Variants in AKR1C2 observed in about 807,000 individuals in gnomAD.
The protein encoded by AKR1C2 is aldo-keto reductase family 1 member C2.
In AKR1C2, 27 loss-of-function variants were observed where a neutral mutation model predicts 39.8. That is an observed-to-expected ratio of 0.68 (90% CI 0.50 to 0.93). The LOEUF is 0.93. Ranked by LOEUF, AKR1C2 falls within the 40% of genes least tolerant of loss-of-function variation. The probability of loss-of-function intolerance (pLI) is 0.00; values close to 1 mark genes in which losing one functional copy is unlikely to be tolerated. For missense variants in AKR1C2, 263 were observed against 365.1 expected (o/e 0.72, Z 2.28); for synonymous variants, 114 against 137.9 (o/e 0.83, Z 1.22).
chr10:4,992,419 G>A (rs1485828565), intron 7 of AKR1C2, among the ~76,000 whole-genome samples: 1 of 151,924 alleles, frequency 6.6e-6, no homozygotes, highest in African/African-American at 2.4e-5. Flanking sequence ...TGTAAATTTG[G>A]GAGACTCTAA....
At chr10:5,001,807 A>C in intron 1 of AKR1C2, 126 bp from the exon 2 acceptor site, 2 of 1,278,470 alleles carry the variant, frequency 1.6e-6, no homozygotes, top group Non-Finnish European at 2.2e-6. Context: ...ATGTAGAATC[A>C]TAAGCCCATC....
upstream of AKR1C2, chr10:5,007,406 C>A (rs67245807): frequency 6.6e-6 from 1 of 151,628 alleles, no homozygotes; most frequent in Non-Finnish European, 1.5e-5. Context: ...CAGAAACGTA[C>A]CTGTGGAAAA....
chr10:4,999,232 A>G lies in AKR1C2; in HGVS notation c.415T>C (p.Phe139Leu), dbSNP rs782071284. The G allele has an allele frequency of 8.1e-6, 13 of 1,609,176 alleles. 1 individual carries two copies. The South Asian group carries it at 1.3e-4, about 16-fold the overall frequency. The change falls in exon 4 of 9, where the codon TTT (phenylalanine) becomes CTT (leucine). Residue 139 changes from phenylalanine to leucine, a missense_variant. By Grantham distance (22) the Phe-to-Leu change is conservative (BLOSUM62 0). Coordinates refer to ENST00000380753, the MANE Select transcript of AKR1C2 (RefSeq NM_001393392.1). ...GTGGCACAGAGATCCACTGTGTCAA[A>G]TAGTATTTTTCCATTTTCATCTTTT... ...IPKDENGKILFDTVDLCATWE... is the reference protein window; with the variant it reads ...IPKDENGKILLDTVDLCATWE...
At chr10:4,997,988 C>A (rs1361464085) in intron 5 of AKR1C2, among the ~76,000 whole-genome samples, 2 of 152,214 alleles carry the variant, frequency 1.3e-5, no homozygotes, top group African/African-American at 4.8e-5. Flanking sequence ...GCGGGGCAGT[C>A]ATAGGTCAGC....
intron 1 of AKR1C2, among the ~76,000 whole-genome samples, chr10:5,015,663 A>T (rs1554775307): frequency 6.6e-6 from 1 of 152,148 alleles, no homozygotes; most frequent in Admixed American, 6.5e-5. Flanking sequence ...CTTCCCATAG[A>T]CGGCCAAGAG....
intron 1 of AKR1C2, among the ~76,000 whole-genome samples, chr10:5,002,349 T>A (rs1837299416): frequency 6.6e-6 from 1 of 152,242 alleles, no homozygotes; most frequent in Non-Finnish European, 1.5e-5. Flanking sequence ...AGAACTCCAC[T>A]TTCTCAGATG....
intron 1 of AKR1C2, among the ~76,000 whole-genome samples, chr10:5,017,468 C>T (rs1315495297): frequency 3.3e-5 from 5 of 152,136 alleles, no homozygotes; most frequent in Admixed American, 2.6e-4. Context: ...GGTAGGAACA[C>T]GATGATGCCA....
At chr10:5,004,596 TACCAAAAAGTAACAA>T (rs1422359279), upstream of AKR1C2, 2 of 152,242 alleles carry the variant, frequency 1.3e-5, no homozygotes, top group East Asian at 3.8e-4. Flanking sequence ...TATAAGTTAC[TACCAAAAAGTAACAA>T]GCCAAAAACC....
intron 1 of AKR1C2, among the ~76,000 whole-genome samples, chr10:5,001,983 A>G (rs72769990): frequency 4.0e-4 from 61 of 152,382 alleles, no homozygotes; most frequent in Non-Finnish European, 6.9e-4. Context: ...CTATAGTTAC[A>G]GACATAATCT....
At chr10:5,001,158 A>C (rs1554773795) in intron 2 of AKR1C2, among the ~76,000 whole-genome samples, 1 of 152,200 alleles carries the variant, frequency 6.6e-6, no homozygotes, top group Non-Finnish European at 1.5e-5. Flanking sequence ...CTCTCTGATC[A>C]AAATGACAAT....
chr10:5,010,176 G>A (rs1336840835), intron 1 of AKR1C2, among the ~76,000 whole-genome samples: 4 of 148,652 alleles, frequency 2.7e-5, no homozygotes, highest in Non-Finnish European at 5.9e-5. Flanking sequence ...GTGGTTGCAG[G>A]CACCCACCAC....
Position 4,995,872 on chromosome 10 carries a change from A to T in AKR1C2, c.571-7T>A, listed in dbSNP as rs782371317. ...AGTAAGGATGACATTCCACCTGCAG[A>T]CGAGCAAGATGGAAAAGCATCAGAT... On this transcript the variant is annotated splice_region_variant and splice_polypyrimidine_tract_variant and intron_variant, in intron 5 of 8. Coordinates refer to ENST00000380753, the MANE Select transcript of AKR1C2 (RefSeq NM_001393392.1). 6.2e-7 allele frequency: 1 copy of T among 1,610,494 alleles called. No homozygotes were observed. Among genetic ancestry groups the T allele is most frequent in the Non-Finnish European group, 8.5e-7 (1 of 1,178,730 alleles).
chr10:4,991,413 G>A (rs1379323282), intron 8 of AKR1C2, among the ~76,000 whole-genome samples: 8 of 152,110 alleles, frequency 5.3e-5, no homozygotes, highest in African/African-American at 1.2e-4. Context: ...CAAGATTGAC[G>A]GAACTGCCTT....
upstream of AKR1C2, chr10:5,005,998 C>A (rs1554774361): frequency 6.6e-6 from 1 of 152,046 alleles, no homozygotes; most frequent in Non-Finnish European, 1.5e-5. Flanking sequence ...CAAATTTGAG[C>A]AGGATGAAGA....
chr10:5,001,416 C>A, intron 2 of AKR1C2, 98 bp downstream of exon 2: 1 of 1,519,236 alleles, frequency 6.6e-7, no homozygotes, highest in Non-Finnish European at 8.8e-7. Context: ...AATAAATAAG[C>A]ACAATTCACC....
At position 4,998,807 on chromosome 10, in the gene AKR1C2, T is replaced by G. The variant is rs113166011; in HGVS notation, c.448-60A>C. ...AGTCGACTGAAGAGCAAGATAAATG[T>G]AACATAGAACTGTGAAAGCAACAAC... is the stretch of plus-strand genomic sequence containing the variant. On this transcript the variant is annotated intron_variant, in intron 4 of 8. Coordinates refer to ENST00000380753, the MANE Select transcript of AKR1C2 (RefSeq NM_001393392.1). 7.0e-5 allele frequency: 113 copies of G among 1,606,146 alleles called. No homozygotes were observed. In the African/African-American group the frequency reaches 1.3e-3, roughly 18 times the overall value.
rs1212025993 is a variant in AKR1C2 at position 4,989,424 on chromosome 10, C to T, written c.*572G>A. On this transcript the variant is annotated 3_prime_UTR_variant, in exon 9 of 9. Coordinates refer to ENST00000380753, the MANE Select transcript of AKR1C2 (RefSeq NM_001393392.1). Reference sequence around the variant, plus strand: ...TTCTAATCACTTTTCCTGGTGCCCTCCCATCTCCCTAACCCCCCCTCACAG... The same window carrying T: ...TTCTAATCACTTTTCCTGGTGCCCTTCCATCTCCCTAACCCCCCCTCACAG... 1.3e-5 allele frequency: 2 copies of T among 149,332 alleles called. No individual in the cohort carries two copies. Among genetic ancestry groups the T allele is most frequent in the African/African-American group, 4.9e-5 (2 of 40,814 alleles). The allele number at this position is 149,332 out of a possible 1,614,324, so 9.3% of individuals were successfully genotyped here. A position where few individuals can be genotyped will look rare whatever the true frequency, so the allele number is the denominator to read the frequency against.
chr10:5,005,569 G>A (rs1275262907), upstream of AKR1C2, among the ~76,000 whole-genome samples: 4 of 152,016 alleles, frequency 2.6e-5, no homozygotes, highest in Non-Finnish European at 5.9e-5. Context: ...TGTAGTCCCA[G>A]CTACTCGGTA....
chr10:4,996,103 C>G (rs189362843), intron 5 of AKR1C2: 2 of 660,254 alleles, frequency 3.0e-6, no homozygotes, highest in Non-Finnish European at 4.4e-6. Flanking sequence ...TCAATAACTC[C>G]GACCACTAGA....
Sources: gnomAD v4.1 joint callset for allele counts (sites outside exome capture counted in the v4.1 genomes callset) on GRCh38, gnomAD v4.1.1 for gene constraint, MANE v1.5 for transcripts, NCBI Gene and HGNC (gene_info 2026-07-23, HGNC 2026-07-21) for gene names.